The following LRRC7 variants were observed in gnomAD, a reference collection of about 807,000 sequenced individuals.
The protein encoded by LRRC7 is leucine rich repeat containing 7.
A neutral mutation model predicts 175.7 loss-of-function variants in LRRC7; 23 were observed. The observed-to-expected ratio is 0.13, with a 90% confidence interval of 0.09 to 0.19. The LOEUF (loss-of-function observed/expected upper bound fraction) is 0.19. Ranked by LOEUF, LRRC7 falls within the 10% of genes least tolerant of loss-of-function variation. The pLI is 1.00. For missense variants in LRRC7, 1,354 were observed against 1,904.7 expected (o/e 0.71, Z 5.38); for synonymous variants, 685 against 680.9 (o/e 1.01, Z -0.09).
At chr1:69,943,699 G>A (rs1172491696) in intron 8 of LRRC7, among the ~76,000 whole-genome samples, 3 of 151,972 alleles carry the variant, frequency 2.0e-5, no homozygotes, top group East Asian at 1.9e-4. Flanking sequence ...TGCCTCCCAG[G>A]ATCTAGAAAG....
At chr1:70,104,861 G>A (rs1665037147) in intron 25 of LRRC7, among the ~76,000 whole-genome samples, 1 of 152,094 alleles carries the variant, frequency 6.6e-6, no homozygotes, top group Admixed American at 6.5e-5. Context: ...CTATGATCTG[G>A]ATTCATACAA....
At chr1:69,692,908 T>A (rs1662068653) in intron 2 of LRRC7, among the ~76,000 whole-genome samples, 1 of 152,150 alleles carries the variant, frequency 6.6e-6, no homozygotes, top group South Asian at 2.1e-4. Flanking sequence ...CAGCCCTCCC[T>A]AATGTGGGTG....
chr1:70,067,683 G>C (rs1319771471), intron 23 of LRRC7, among the ~76,000 whole-genome samples: 1 of 152,016 alleles, frequency 6.6e-6, no homozygotes, highest in Non-Finnish European at 1.5e-5. Flanking sequence ...ATTTTGATAA[G>C]AATTAAACTG....
chr1:69,649,390 T>C (rs1286260079), intron 1 of LRRC7, among the ~76,000 whole-genome samples: 1 of 152,188 alleles, frequency 6.6e-6, no homozygotes, highest in Non-Finnish European at 1.5e-5. Flanking sequence ...ATATGTGCTT[T>C]GCCTAACCAA....
At chr1:69,616,785 G>A (rs56330443) in intron 1 of LRRC7, among the ~76,000 whole-genome samples, 3,680 of 152,106 alleles carry the variant, frequency 0.024, 127 homozygotes, top group African/African-American at 0.084. Flanking sequence ...CAGGAGAAGG[G>A]CATATTCAAA....
intron 7 of LRRC7, among the ~76,000 whole-genome samples, chr1:69,912,035 A>T (rs1646547383): frequency 6.6e-6 from 1 of 152,194 alleles, no homozygotes; most frequent in Admixed American, 6.5e-5. Flanking sequence ...AGGTATTTAA[A>T]GCATACAGGA....
At chr1:69,722,861 C>A (rs1442246861) in intron 2 of LRRC7, among the ~76,000 whole-genome samples, 2 of 151,760 alleles carry the variant, frequency 1.3e-5, no homozygotes, top group Non-Finnish European at 2.9e-5. Context: ...TGGTATACAC[C>A]ATACTGTTTG....
chr1:69,857,393 G>A (rs925596893), intron 7 of LRRC7, among the ~76,000 whole-genome samples: 2 of 152,136 alleles, frequency 1.3e-5, no homozygotes, highest in African/African-American at 2.4e-5. Context: ...ATCTCCTTAA[G>A]CTGATAAGCA....
At chr1:70,036,690 A>G (rs1355448145) in intron 20 of LRRC7, 66 bp downstream of exon 20, 2 of 1,493,696 alleles carry the variant, frequency 1.3e-6, no homozygotes, top group Non-Finnish European at 1.8e-6. Context: ...AAAAAATGGA[A>G]TCTTCTTAAT....
intron 7 of LRRC7, among the ~76,000 whole-genome samples, chr1:69,894,897 A>G (rs754551763): frequency 3.9e-5 from 6 of 152,244 alleles, no homozygotes; most frequent in African/African-American, 7.2e-5. Flanking sequence ...TCTGTACAAC[A>G]AACAGTGGCC....
At chr1:69,602,709 C>T (rs1204574482) in intron 1 of LRRC7, among the ~76,000 whole-genome samples, 1 of 152,102 alleles carries the variant, frequency 6.6e-6, no homozygotes, top group Non-Finnish European at 1.5e-5. Context: ...TGTTCCATGC[C>T]TCTCTCCTAG....
At chr1:69,848,803 G>A (rs1457375806) in intron 7 of LRRC7, among the ~76,000 whole-genome samples, 1 of 151,994 alleles carries the variant, frequency 6.6e-6, no homozygotes, top group African/African-American at 2.4e-5. Flanking sequence ...TTTAAGATAA[G>A]TGGCTGAGCA....
In LRRC7 at chr1:70,142,304, G is replaced by A. The variant is rs751981973; in HGVS notation, c.*20417G>A. The A allele has an allele frequency of 6.6e-6, 1 of 152,088 alleles. No individual in the cohort carries two copies. The allele number at this position is 152,088 out of a possible 1,614,324, so 9.4% of individuals were successfully genotyped here. A position where few individuals can be genotyped will look rare whatever the true frequency, so the allele number is the denominator to read the frequency against. ...TTTTACTCTAGAAAATTTGGTTTTA[G>A]CTTTGATGACACCTAGCGTCAGTGG... is the stretch of plus-strand genomic sequence containing the variant. On this transcript the variant is annotated 3_prime_UTR_variant, in exon 27 of 27. Coordinates refer to ENST00000651989, the MANE Select transcript of LRRC7 (RefSeq NM_001370785.2).
intron 5 of LRRC7, among the ~76,000 whole-genome samples, chr1:69,826,684 C>T (rs1221488895): frequency 6.6e-6 from 1 of 152,022 alleles, no homozygotes; most frequent in Non-Finnish European, 1.5e-5. Flanking sequence ...ACAAAGCTGA[C>T]AGTAGGATTT....
intron 1 of LRRC7, among the ~76,000 whole-genome samples, chr1:69,570,102 A>AT (rs1447545942): frequency 6.6e-6 from 1 of 151,942 alleles, no homozygotes; most frequent in Non-Finnish European, 1.5e-5. Flanking sequence ...ATGAAAAGCA[A>AT]TTTTTTGTGA....
chr1:69,652,710 A>T (rs1429047750), intron 1 of LRRC7, among the ~76,000 whole-genome samples: 1 of 152,096 alleles, frequency 6.6e-6, no homozygotes, highest in Non-Finnish European at 1.5e-5. Flanking sequence ...AAAAAAAAAT[A>T]ATAATAACCA....
At chr1:69,701,090 C>T (rs1274749191) in intron 2 of LRRC7, among the ~76,000 whole-genome samples, 1 of 152,140 alleles carries the variant, frequency 6.6e-6, no homozygotes, top group African/African-American at 2.4e-5. Context: ...TTAAATTCTA[C>T]TAAATAAAAC....
chr1:70,018,959 G>T, intron 15 of LRRC7, 141 bp downstream of exon 15: 2 of 566,726 alleles, frequency 3.5e-6, no homozygotes. Flanking sequence ...ATATCATTTG[G>T]GGATGTACTT....
intron 22 of LRRC7, among the ~76,000 whole-genome samples, chr1:70,046,661 C>A (rs148057028): frequency 6.6e-6 from 1 of 152,088 alleles, no homozygotes; most frequent in South Asian, 2.1e-4. Context: ...ACAGCTTTCC[C>A]ACCCCATCAC....
Sources: gnomAD v4.1 joint callset for allele counts (sites outside exome capture counted in the v4.1 genomes callset) on GRCh38, gnomAD v4.1.1 for gene constraint, MANE v1.5 for transcripts, NCBI Gene and HGNC (gene_info 2026-07-23, HGNC 2026-07-21) for gene names.